HHIPL2: variants seen among roughly 807,000 people sequenced by gnomAD.
HHIPL2 encodes the protein HHIP like 2, also known as HHIP-like protein 2.
HHIPL2 carries 61 observed loss-of-function variants against 61.0 expected under a neutral mutation model. The observed-to-expected ratio is 1.00, with a 90% confidence interval of 0.81 to 1.24. The LOEUF (loss-of-function observed/expected upper bound fraction) is 1.24. Ranked by LOEUF, HHIPL2 falls within the 50% of genes most tolerant of loss-of-function variation. The pLI, the probability that HHIPL2 is intolerant of heterozygous loss-of-function variation, is 0.00. For missense variants in HHIPL2, 885 were observed against 910.2 expected (o/e 0.97, Z 0.36); for synonymous variants, 343 against 357.4 (o/e 0.96, Z 0.45).
At chr1:222,533,195 T>A (rs946351427) in intron 5 of HHIPL2, among the ~76,000 whole-genome samples, 7 of 151,894 alleles carry the variant, frequency 4.6e-5, no homozygotes, top group African/African-American at 1.5e-4. Context: ...CAAAACCCCA[T>A]CTCTACCGAA....
rs764842704 is a variant in HHIPL2, at chr1:222,544,048, G to A, written c.463C>T (p.Arg155Cys). 4 of 1,614,032 alleles carry A rather than the reference G, an allele frequency of 2.5e-6. No individual in the cohort carries two copies. The African/African-American group carries it at 4.0e-5, about 16-fold the overall frequency. ...HSAISLLTND[R>C]GLQESHGRDG... ...CTTCCATGAGACTCCTGGAGGCCGC[G>A]GTCATTGGTCAGCAGGGAAATGGCT... The change falls in exon 2 of 9, where the codon CGC becomes TGC. Residue 155 changes from arginine to cysteine, a missense_variant. Transcript: ENST00000343410.
intron 5 of HHIPL2, among the ~76,000 whole-genome samples, chr1:222,532,509 G>A (rs778090155): frequency 6.6e-6 from 1 of 152,020 alleles, no homozygotes; most frequent in Non-Finnish European, 1.5e-5. Flanking sequence ...AGCTACTCGG[G>A]AGGCTGAGGC....
intron 2 of HHIPL2, 64 bp downstream of exon 2, chr1:222,543,473 G>A (rs1450433688): frequency 5.5e-6 from 8 of 1,445,528 alleles, no homozygotes; most frequent in Non-Finnish European, 7.6e-6. Context: ...CTATTATCTC[G>A]CAGACCTGGT....
chr1:222,544,065 G>T lies in HHIPL2; in HGVS notation c.446C>A (p.Ser149Tyr), dbSNP rs762718976. 5 of 1,614,168 alleles carry T rather than the reference G, an allele frequency of 3.1e-6. No individual in the cohort carries two copies. The highest frequency in any genetic ancestry group is 4.2e-6 in the Non-Finnish European group (5 of 1,180,052). ...GAGGCCGCGGTCATTGGTCAGCAGG[G>T]AAATGGCTGAGTGACAGTTAGAATG... is the stretch of plus-strand genomic sequence containing the variant. Reference protein sequence around the residue: ...AFHSNCHSAISLLTNDRGLQE... With the variant: ...AFHSNCHSAIYLLTNDRGLQE... Residue 149 changes from serine (S) to tyrosine (Y), a missense_variant, in exon 2 of 9, where the codon TCC becomes TAC. By Grantham distance (144) the Ser-to-Tyr change is moderately radical. Coordinates refer to ENST00000343410, the MANE Select transcript of HHIPL2 (RefSeq NM_024746.4).
intron 3 of HHIPL2, among the ~76,000 whole-genome samples, chr1:222,541,315 T>A (rs1659427478): frequency 6.6e-6 from 1 of 152,180 alleles, no homozygotes; most frequent in Admixed American, 6.5e-5. Context: ...CAAGACAGCA[T>A]CACTGGGCTC....
chr1:222,527,287 T>G (rs1659089463), intron 6 of HHIPL2, among the ~76,000 whole-genome samples: 1 of 152,174 alleles, frequency 6.6e-6, no homozygotes, highest in Non-Finnish European at 1.5e-5. Context: ...GCAGAGGCAA[T>G]TTCACGTGTA....
At chr1:222,526,627 C>A (rs1022000687) in intron 7 of HHIPL2, among the ~76,000 whole-genome samples, 1 of 149,268 alleles carries the variant, frequency 6.7e-6, no homozygotes, top group Non-Finnish European at 1.5e-5. Context: ...ATCGCTTGAA[C>A]CTGGGAGGCG....
chr1:222,522,557 C>G lies in HHIPL2; in HGVS notation c.*44G>C. On this transcript the variant is annotated 3_prime_UTR_variant, in exon 9 of 9. Coordinates refer to ENST00000343410, the MANE Select transcript of HHIPL2 (RefSeq NM_024746.4). ...CAGTGACTTTCATTTGATGAGGTGG[C>G]TCTCCTCTCTCACGTCACCCTGTCG... The G allele has an allele frequency of 1.6e-4, 249 of 1,554,538 alleles. No homozygotes were observed. The highest frequency in any genetic ancestry group is 2.3e-4 in the Middle Eastern group (1 of 4,442).
chr1:222,541,989 G>T, intron 3 of HHIPL2, 23 bp downstream of exon 3: 1 of 1,588,252 alleles, frequency 6.3e-7, no homozygotes, highest in Non-Finnish European at 8.5e-7. Context: ...AAGGGACAAG[G>T]GCCCGGCCCC....
chr1:222,535,554 G>A (rs1334531765), intron 5 of HHIPL2, among the ~76,000 whole-genome samples: 1 of 152,124 alleles, frequency 6.6e-6, no homozygotes. Flanking sequence ...GCAGGACTGT[G>A]CTCCCTCCAG....
chr1:222,523,475 T>C (rs999812248), intron 8 of HHIPL2, 137 bp downstream of exon 8: 17 of 734,826 alleles, frequency 2.3e-5, no homozygotes, highest in Admixed American at 8.8e-5. Flanking sequence ...TCCTCTGTTA[T>C]GCAGAGGAGA....
intron 2 of HHIPL2, among the ~76,000 whole-genome samples, chr1:222,543,292 T>C (rs374300081): frequency 1.1e-4 from 16 of 152,356 alleles, no homozygotes; most frequent in African/African-American, 3.6e-4. Context: ...TGGTCCTTAC[T>C]TACCCTTTGT....
Position 222,527,659 on chromosome 1 carries a change from C to T in HHIPL2, c.1724-609G>A, listed in dbSNP as rs552002997. Among the ~76,000 whole-genome samples, 85 of 152,254 alleles carry T rather than the reference C, an allele frequency of 5.6e-4. 1 individual carries two copies. The South Asian group carries it at 0.015, about 26-fold the overall frequency. On this transcript the variant is annotated intron_variant, in intron 6 of 8. Coordinates refer to ENST00000343410, the MANE Select transcript of HHIPL2 (RefSeq NM_024746.4). ...GGTTTGGCTGTGTCCCCACCCAAAT[C>T]TCATCTTGAATGATTTGGCTCCCAT...
chr1:222,532,930 T>A (rs146553755), intron 5 of HHIPL2, among the ~76,000 whole-genome samples: 19 of 152,322 alleles, frequency 1.2e-4, no homozygotes, highest in African/African-American at 3.6e-4. Context: ...CTATCATCTA[T>A]CTGAACTAAA....
At chr1:222,543,465 A>G (rs1659478007) in intron 2 of HHIPL2, 72 bp downstream of exon 2, 3 of 1,402,476 alleles carry the variant, frequency 2.1e-6, no homozygotes, top group East Asian at 4.6e-5. Flanking sequence ...GTTCCCCTCT[A>G]TTATCTCGCA....
At position 222,543,657 on chromosome 1, in the gene HHIPL2, T is replaced by C; in HGVS notation, c.854A>G (p.His285Arg). The C allele has an allele frequency of 6.2e-7, 1 of 1,614,156 alleles. No individual in the cohort carries two copies. Among genetic ancestry groups the C allele is most frequent in the South Asian group, 1.1e-5 (1 of 91,084 alleles). ...LGLAFHPKFR[H>R]NRKFYIYYSC... ...ATAATAAATATAGAACTTGCGATTG[T>C]GGCGGAATTTGGGGTGAAAAGCCAA... The change falls in exon 2 of 9, where the codon CAC becomes CGC. Residue 285 changes from histidine to arginine, a missense_variant. Coordinates refer to ENST00000343410, the MANE Select transcript of HHIPL2 (RefSeq NM_024746.4).
intron 1 of HHIPL2, among the ~76,000 whole-genome samples, chr1:222,547,422 A>G (rs1273238595): frequency 6.6e-6 from 1 of 152,156 alleles, no homozygotes. Flanking sequence ...TGCACCACAG[A>G]GGGAGTGTGG....
intron 8 of HHIPL2, 88 bp downstream of exon 8, chr1:222,523,524 C>T: frequency 8.1e-7 from 1 of 1,237,424 alleles, no homozygotes; most frequent in Non-Finnish European, 1.2e-6. Flanking sequence ...AACTAAGACT[C>T]CACCATGGGA....
In HHIPL2 at chr1:222,547,924, C is replaced by G. The variant is rs1366618048; in HGVS notation, c.121G>C (p.Gly41Arg). 2.5e-6 allele frequency: 4 copies of G among 1,613,026 alleles called. No individual in the cohort carries two copies. In the East Asian group the frequency reaches 6.7e-5, roughly 27 times the overall value. The change falls in exon 1 of 9, where the codon GGA (glycine) becomes CGA (arginine). Residue 41 changes from glycine to arginine, a missense_variant. By Grantham distance (125) the Gly-to-Arg change is moderately radical. Coordinates refer to ENST00000343410, the MANE Select transcript of HHIPL2 (RefSeq NM_024746.4). ...FLLGQVGLLQ[G>R]HPQCLDYGPP... ...CCGTAATCCAGGCACTGGGGGTGTCCCTGCAGCAAGCCCACCTGGCCCAAC... is the reference window on the plus strand; with the variant it reads ...CCGTAATCCAGGCACTGGGGGTGTCGCTGCAGCAAGCCCACCTGGCCCAAC...
Sources: gnomAD v4.1 joint callset for allele counts (sites outside exome capture counted in the v4.1 genomes callset) on GRCh38, gnomAD v4.1.1 for gene constraint, MANE v1.5 for transcripts, NCBI Gene and HGNC (gene_info 2026-07-23, HGNC 2026-07-21) for gene names.